GLIS3: variants seen among roughly 807,000 people sequenced by gnomAD.
The protein encoded by GLIS3 is zinc finger protein GLIS3.
In GLIS3, 53 loss-of-function variants were observed where a neutral mutation model predicts 78.6. The ratio of observed to expected loss-of-function variants is 0.67; its 90% CI spans 0.54 to 0.85. The LOEUF is 0.85. Among genes scored for constraint, GLIS3 ranks in the 40% least tolerant of loss-of-function variants. GLIS3 has a pLI of 0.00. For missense variants in GLIS3, 1,703 were observed against 1,231.1 expected, an observed-to-expected ratio of 1.38 and a Z score of -5.74; for synonymous variants, 684 against 509.9, an observed-to-expected ratio of 1.34 and a Z score of -4.60.
intron 2 of GLIS3, among the ~76,000 whole-genome samples, chr9:4,238,420 T>C (rs1822981997): frequency 6.6e-6 from 1 of 152,180 alleles, no homozygotes; most frequent in Non-Finnish European, 1.5e-5. Context: ...AGAGAAGATG[T>C]AAATCATCCC....
At chr9:4,389,575 T>C in the GLIS3 span, among the ~76,000 whole-genome samples, 1 of 152,314 alleles carries the variant, frequency 6.6e-6, no homozygotes, top group South Asian at 2.1e-4. Context: ...TAGAGTTCAA[T>C]AGAAGAATCT....
chr9:4,439,053 G>T, the GLIS3 span, among the ~76,000 whole-genome samples: 9 of 152,124 alleles, frequency 5.9e-5, no homozygotes, highest in Non-Finnish European at 1.2e-4. Flanking sequence ...GCCAATGTTG[G>T]TTCCTCACCA....
In GLIS3 at chr9:4,207,229, C is replaced by G. The variant is rs559023630; in HGVS notation, c.388+78809G>C. On this transcript the variant is annotated intron_variant, in intron 2 of 10. Transcript: ENST00000381971. ...GAGCAGCCACATGCTGAAGCTGCCC[C>G]CTTCGTCCCCACACTATGCAGAGGG... Among the ~76,000 whole-genome samples the G allele has an allele frequency of 6.6e-5, 10 of 152,308 alleles. No individual in the cohort carries two copies. The South Asian group carries it at 8.3e-4, about 13-fold the overall frequency.
intron 4 of GLIS3, among the ~76,000 whole-genome samples, chr9:3,953,422 G>A (rs1352103450): frequency 1.3e-5 from 2 of 152,206 alleles, no homozygotes; most frequent in African/African-American, 4.8e-5. Flanking sequence ...AAGCCACTGT[G>A]GATAGACTAA....
the GLIS3 span, among the ~76,000 whole-genome samples, chr9:4,489,480 A>G: frequency 6.6e-6 from 1 of 152,216 alleles, no homozygotes; most frequent in East Asian, 1.9e-4. Context: ...AGGAACGCTG[A>G]TAAGAAGACC....
intron 6 of GLIS3, among the ~76,000 whole-genome samples, chr9:3,902,061 C>T (rs557974852): frequency 4.6e-5 from 7 of 152,286 alleles, no homozygotes; most frequent in South Asian, 4.2e-4. Flanking sequence ...AGGAATTTCA[C>T]GGCTAGGGTT....
chr9:3,915,304 C>T (rs1824433585), intron 6 of GLIS3, among the ~76,000 whole-genome samples: 1 of 152,114 alleles, frequency 6.6e-6, no homozygotes, highest in South Asian at 2.1e-4. Flanking sequence ...AATTCCATCC[C>T]AGAAGTTCAG....
chr9:4,069,074 G>A (rs751423189), intron 4 of GLIS3, among the ~76,000 whole-genome samples: 2 of 152,116 alleles, frequency 1.3e-5, no homozygotes, highest in Non-Finnish European at 2.9e-5. Context: ...GGATTAGCAG[G>A]AATACTATAA....
the GLIS3 span, among the ~76,000 whole-genome samples, chr9:4,358,720 G>C: frequency 1.1e-4 from 17 of 152,180 alleles, no homozygotes; most frequent in Non-Finnish European, 4.4e-5. Flanking sequence ...ACGTGTGTAT[G>C]TGTGCACATA....
intron 4 of GLIS3, among the ~76,000 whole-genome samples, chr9:4,022,083 C>A (rs1822932374): frequency 6.6e-6 from 1 of 152,000 alleles, no homozygotes; most frequent in African/African-American, 2.4e-5. Context: ...AACTTAATGT[C>A]TAAAGACTTG....
In GLIS3 at chr9:4,286,359, C is replaced by G. The variant is rs554856319; in HGVS notation, c.67G>C (p.Val23Leu). The G allele has an allele frequency of 9.0e-5, 146 of 1,614,184 alleles. 3 individuals are homozygous for G. The South Asian group carries it at 1.5e-3, about 17-fold the overall frequency. Residue 23 changes from valine to leucine, a missense_variant, in exon 2 of 11, where the codon GTC (valine) becomes CTC (leucine). Val to Leu is a conservative substitution (Grantham distance 32). Coordinates refer to ENST00000381971, the MANE Select transcript of GLIS3 (RefSeq NM_001042413.2). ...TSGTPQGPRM[V>L]SGHHIPAIRA... is the part of the protein sequence containing the mutation. ...ATGGCAGGAATGTGATGACCACTGA[C>G]CATCCTAGGCCCCTGTGGGGTTCCC...
chr9:3,902,741 A>T (rs540194278), intron 6 of GLIS3, among the ~76,000 whole-genome samples: 1 of 152,310 alleles, frequency 6.6e-6, no homozygotes, highest in East Asian at 1.9e-4. Context: ...GTCTCTAAGA[A>T]TTTTTATGAG....
chr9:4,223,183 C>G (rs7039205), intron 2 of GLIS3, among the ~76,000 whole-genome samples: 138,139 of 152,228 alleles, frequency 0.91, 62,802 homozygotes, highest in Non-Finnish European at 0.93. Context: ...GCTGGAAAAA[C>G]GAATTGAACA....
At chr9:4,271,922 A>G (rs1481600014) in intron 2 of GLIS3, among the ~76,000 whole-genome samples, 1 of 152,182 alleles carries the variant, frequency 6.6e-6, no homozygotes, top group Non-Finnish European at 1.5e-5. Context: ...TGGCTAAGTT[A>G]CTTCATCTCT....
intron 4 of GLIS3, among the ~76,000 whole-genome samples, chr9:4,013,526 A>C (rs1822203493): frequency 6.6e-6 from 1 of 152,228 alleles, no homozygotes; most frequent in Non-Finnish European, 1.5e-5. Flanking sequence ...ATCTGCATAC[A>C]CATCTATACA....
intron 4 of GLIS3, among the ~76,000 whole-genome samples, chr9:4,107,598 G>C (rs34707189): frequency 0.2 from 29,984 of 152,092 alleles, 3,348 homozygotes; most frequent in Admixed American, 0.28. Context: ...TTAATGCATT[G>C]CAATAGTATT....
intron 2 of GLIS3, among the ~76,000 whole-genome samples, chr9:4,126,968 G>T (rs1048857965): frequency 6.6e-6 from 1 of 152,154 alleles, no homozygotes; most frequent in Non-Finnish European, 1.5e-5. Flanking sequence ...TTTCTTAGCT[G>T]TAGGGGTCAT....
At chr9:3,899,410 A>G (rs1055328964) in intron 6 of GLIS3, among the ~76,000 whole-genome samples, 2 of 139,742 alleles carry the variant, frequency 1.4e-5, no homozygotes, top group East Asian at 2.1e-4. Context: ...GATCTTATAC[A>G]TTAAAGAGTT....
intron 2 of GLIS3, among the ~76,000 whole-genome samples, chr9:4,187,128 G>A (rs1290466916): frequency 6.6e-6 from 1 of 152,166 alleles, no homozygotes; most frequent in Non-Finnish European, 1.5e-5. Context: ...TATGCTTTTA[G>A]GTCTAACGTT....
Sources: allele counts gnomAD v4.1 joint callset (sites outside exome capture counted in the v4.1 genomes callset), GRCh38; gene constraint gnomAD v4.1.1; transcripts MANE v1.5; gene names NCBI Gene and HGNC (gene_info 2026-07-23, HGNC 2026-07-21).